The following CFAP69 variants were observed in gnomAD, a reference collection of about 807,000 sequenced individuals.
CFAP69 encodes cilia and flagella associated protein 69, also known as cilia- and flagella-associated protein 69.
A neutral mutation model predicts 123.0 loss-of-function variants in CFAP69; 92 were observed. The ratio of observed to expected loss-of-function variants is 0.75; its 90% confidence interval spans 0.63 to 0.89. The LOEUF (loss-of-function observed/expected upper bound fraction) is 0.89, where lower values mean the gene tolerates loss of function less well. Among genes scored for constraint, CFAP69 ranks in the 40% least tolerant of loss-of-function variants. The probability of loss-of-function intolerance (pLI) is 0.00; values close to 1 mark genes in which losing one functional copy is unlikely to be tolerated. For synonymous variants in CFAP69, 380 were observed against 364.3 expected (o/e 1.04, Z -0.49); for missense variants, 1,067 against 1,096.9 (o/e 0.97, Z 0.39).
intron 15 of CFAP69, among the ~76,000 whole-genome samples, chr7:90,296,173 G>A (rs1353306794): frequency 6.6e-6 from 1 of 152,042 alleles, no homozygotes; most frequent in Non-Finnish European, 1.5e-5. Context: ...AATCTCAACT[G>A]CAAAGATGAG....
rs544456125 is a variant in CFAP69 at position 90,306,344 on chromosome 7, A to G, written c.2266-557A>G. Among the ~76,000 whole-genome samples, 118 of 152,298 alleles carry G rather than the reference A, an allele frequency of 7.7e-4. No homozygotes were observed. In the Middle Eastern group the frequency reaches 0.014, roughly 18 times the overall value. On this transcript the variant is annotated intron_variant, in intron 19 of 22. Coordinates refer to ENST00000389297, the MANE Select transcript of CFAP69 (RefSeq NM_001039706.3). ...TACACTCAAGAACGTTAACTTCTAG[A>G]CAGCCTAGAATATGAGATGGAGCCA...
intron 6 of CFAP69, among the ~76,000 whole-genome samples, chr7:90,271,241 C>G (rs1197831667): frequency 3.3e-5 from 5 of 152,096 alleles, no homozygotes; most frequent in Non-Finnish European, 5.9e-5. Context: ...TGTGTTAGAA[C>G]ACAGCCATGT....
At chr7:90,248,751 A>C (rs988408661) in intron 1 of CFAP69, among the ~76,000 whole-genome samples, 6 of 152,158 alleles carry the variant, frequency 3.9e-5, no homozygotes, top group Admixed American at 2.0e-4. Flanking sequence ...TTCTTTTTTA[A>C]AGTGATTATC....
intron 3 of CFAP69, 133 bp from the exon 4 acceptor site, chr7:90,261,814 A>G: frequency 4.7e-6 from 2 of 424,174 alleles, no homozygotes; most frequent in Non-Finnish European, 8.3e-6. Flanking sequence ...CAAAATAAGA[A>G]TAATTAAAAC....
At chr7:90,287,336 C>T (rs892596468) in intron 14 of CFAP69, among the ~76,000 whole-genome samples, 2 of 152,138 alleles carry the variant, frequency 1.3e-5, no homozygotes, top group Non-Finnish European at 2.9e-5. Context: ...TAAGTATCTA[C>T]AATTGGAATT....
At chr7:90,286,056 C>T (rs1790228885) in intron 13 of CFAP69, among the ~76,000 whole-genome samples, 1 of 152,146 alleles carries the variant, frequency 6.6e-6, no homozygotes, top group African/African-American at 2.4e-5. Flanking sequence ...AATCCCAACA[C>T]TTTGCAAGGC....
intron 12 of CFAP69, among the ~76,000 whole-genome samples, chr7:90,280,743 C>T (rs1789359425): frequency 6.6e-6 from 1 of 152,302 alleles, no homozygotes; most frequent in South Asian, 2.1e-4. Context: ...ATAAGAAATA[C>T]ATTCCTTTTT....
At chr7:90,288,121 A>C (rs1447966276) in intron 14 of CFAP69, 113 bp from the exon 15 acceptor site, 1 of 724,806 alleles carries the variant, frequency 1.4e-6, no homozygotes. Context: ...TTTTTCTAAC[A>C]ATGTTGCTGT....
At position 90,261,944 on chromosome 7, in the gene CFAP69, A is replaced by T; in HGVS notation, c.247-3A>T. 4.2e-6 allele frequency: 6 copies of T among 1,434,548 alleles called. No individual in the cohort carries two copies. Among genetic ancestry groups the T allele is most frequent in the Non-Finnish European group, 5.7e-6 (6 of 1,049,166 alleles). The allele number at this position is 1,434,548 out of a possible 1,614,324, so 88.9% of individuals were successfully genotyped here. ...TTTTATTTCTTAACTAAAAATATTA[A>T]AGCCATTAAGGGATTTAGCACAGAT... is the stretch of plus-strand genomic sequence containing the variant. On this transcript the variant is annotated splice_region_variant and splice_polypyrimidine_tract_variant and intron_variant, in intron 3 of 22. Transcript: ENST00000389297.
At chr7:90,291,235 T>G (rs1791138551) in intron 15 of CFAP69, among the ~76,000 whole-genome samples, 1 of 152,144 alleles carries the variant, frequency 6.6e-6, no homozygotes, top group Non-Finnish European at 1.5e-5. Flanking sequence ...GGTTATTTCT[T>G]GATGATATGC....
At chr7:90,254,303 T>A (rs1260763680) in intron 1 of CFAP69, among the ~76,000 whole-genome samples, 4 of 152,174 alleles carry the variant, frequency 2.6e-5, no homozygotes, top group Non-Finnish European at 5.9e-5. Flanking sequence ...TTGCTCAGGA[T>A]TGCTTTGGGT....
chr7:90,309,546 T>TA (rs1020992707), intron 22 of CFAP69, among the ~76,000 whole-genome samples, 179 bp downstream of exon 22: 1 of 151,616 alleles, frequency 6.6e-6, no homozygotes, highest in Non-Finnish European at 1.5e-5. Context: ...AATTAGAAGT[T>TA]AAAAAAATTA....
intron 9 of CFAP69, among the ~76,000 whole-genome samples, 189 bp from the exon 10 acceptor site, chr7:90,276,884 A>T (rs1788688964): frequency 6.6e-6 from 1 of 152,210 alleles, no homozygotes; most frequent in African/African-American, 2.4e-5. Flanking sequence ...ATTTAATTTT[A>T]AATAAGCTTA....
intron 14 of CFAP69, 145 bp downstream of exon 14, chr7:90,286,544 G>A (rs370940407): frequency 1.1e-5 from 9 of 798,124 alleles, no homozygotes; most frequent in East Asian, 5.7e-5. Context: ...TAAAGTAAAA[G>A]GTACAGAATA....
intron 9 of CFAP69, among the ~76,000 whole-genome samples, chr7:90,274,979 C>CT (rs1160018222): frequency 2.0e-5 from 3 of 152,026 alleles, no homozygotes; most frequent in African/African-American, 7.3e-5. Context: ...TGATATTGTC[C>CT]CACAGGTTTG....
At chr7:90,319,994 G>A in the CFAP69 span, among the ~76,000 whole-genome samples, 8 of 152,122 alleles carry the variant, frequency 5.3e-5, no homozygotes, top group Non-Finnish European at 7.4e-5. Context: ...AAAATGCAAA[G>A]GTTCATTTCA....
At chr7:90,265,742 C>A (rs931003709) in intron 5 of CFAP69, among the ~76,000 whole-genome samples, 1 of 152,062 alleles carries the variant, frequency 6.6e-6, no homozygotes, top group Non-Finnish European at 1.5e-5. Context: ...TATTGAATTG[C>A]TGCAATCATA....
chr7:90,309,989 A>G (rs998178617), intron 22 of CFAP69, 79 bp from the exon 23 acceptor site: 2 of 1,183,920 alleles, frequency 1.7e-6, no homozygotes, highest in African/African-American at 3.1e-5. Flanking sequence ...TTCAAAAGTA[A>G]GCTGAAGGAT....
intron 5 of CFAP69, among the ~76,000 whole-genome samples, chr7:90,266,671 A>G (rs1316497418): frequency 2.0e-5 from 3 of 152,042 alleles, no homozygotes; most frequent in Non-Finnish European, 4.4e-5. Flanking sequence ...TGACAACAGT[A>G]TGAACTCTTA....
Sources: gnomAD v4.1 joint callset for allele counts (sites outside exome capture counted in the v4.1 genomes callset) on GRCh38, gnomAD v4.1.1 for gene constraint, MANE v1.5 for transcripts, NCBI Gene and HGNC (gene_info 2026-07-23, HGNC 2026-07-21) for gene names.